The following S100Z variants were observed in gnomAD, a reference collection of about 807,000 sequenced individuals.
The protein encoded by S100Z is S100 calcium binding protein Z.
A neutral mutation model predicts 8.5 loss-of-function variants in S100Z; 11 were observed. The ratio of observed to expected loss-of-function variants is 1.30; its 90% CI spans 0.82 to 2.15. S100Z has a LOEUF of 2.15. Among genes scored for constraint, S100Z ranks in the 30% most tolerant of loss-of-function variants. S100Z has a pLI of 0.00. For missense variants in S100Z, 126 were observed against 117.9 expected (o/e 1.07, Z -0.32); for synonymous variants, 34 against 43.8 (o/e 0.78, Z 0.89).
the S100Z span, among the ~76,000 whole-genome samples, chr5:76,944,995 GCC>G: frequency 7.2e-5 from 11 of 152,148 alleles, no homozygotes; most frequent in Non-Finnish European, 1.3e-4. Context: ...CAGTTATTGT[GCC>G]TATGTAGAAA....
the S100Z span, among the ~76,000 whole-genome samples, chr5:76,935,118 GA>G: frequency 6.6e-6 from 1 of 152,112 alleles, no homozygotes; most frequent in South Asian, 2.1e-4. Context: ...TCTGGCATAA[GA>G]AAAGAAAGAC....
the S100Z span, among the ~76,000 whole-genome samples, chr5:76,950,588 C>G: frequency 2.0e-5 from 3 of 152,148 alleles, no homozygotes; most frequent in Non-Finnish European, 4.4e-5. Flanking sequence ...CCAAAAAACA[C>G]CTATCCGGGA....
At chr5:76,922,778 C>A (rs537784124), downstream of S100Z, among the ~76,000 whole-genome samples, 1 of 152,182 alleles carries the variant, frequency 6.6e-6, no homozygotes, top group Non-Finnish European at 1.5e-5. Flanking sequence ...CCGCCTCGGC[C>A]TCCCAAAGTG....
chr5:76,894,619 G>C (rs1743972537), intron 4 of S100Z, among the ~76,000 whole-genome samples: 1 of 149,160 alleles, frequency 6.7e-6, no homozygotes, highest in Admixed American at 6.6e-5. Context: ...TTTTGAGATG[G>C]AGTTTCACTC....
At chr5:76,927,083 A>C in the S100Z span, among the ~76,000 whole-genome samples, 1 of 152,200 alleles carries the variant, frequency 6.6e-6, no homozygotes, top group Non-Finnish European at 1.5e-5. Flanking sequence ...TTACGCTAAT[A>C]GTAGTAACAT....
At chr5:76,920,041 C>T (rs1744991795) in intron 4 of S100Z, among the ~76,000 whole-genome samples, 1 of 151,956 alleles carries the variant, frequency 6.6e-6, no homozygotes, top group African/African-American at 2.4e-5. Context: ...TCCCAAGTAG[C>T]TGGGATTACA....
At chr5:76,893,315 G>A (rs1164534937) in intron 4 of S100Z, among the ~76,000 whole-genome samples, 1 of 152,084 alleles carries the variant, frequency 6.6e-6, no homozygotes, top group Non-Finnish European at 1.5e-5. Flanking sequence ...TTTTCAAAGG[G>A]AAGGTCTGTG....
chr5:76,919,881 G>C (rs567508838), intron 4 of S100Z, among the ~76,000 whole-genome samples: 1 of 151,462 alleles, frequency 6.6e-6, no homozygotes, highest in East Asian at 1.9e-4. Flanking sequence ...TGGGATTACA[G>C]GTGTGAACCA....
At chr5:76,945,001 G>C in the S100Z span, among the ~76,000 whole-genome samples, 14 of 152,230 alleles carry the variant, frequency 9.2e-5, no homozygotes, top group African/African-American at 2.7e-4. Flanking sequence ...TTGTGCCTAT[G>C]TAGAAAAGGA....
chr5:76,916,586 G>C (rs193218962), intron 4 of S100Z, among the ~76,000 whole-genome samples: 4 of 149,828 alleles, frequency 2.7e-5, no homozygotes, highest in African/African-American at 2.4e-5. Context: ...TCCTAAGAGT[G>C]TGTTTTCTGA....
At chr5:76,943,903 C>T in the S100Z span, among the ~76,000 whole-genome samples, 1 of 147,272 alleles carries the variant, frequency 6.8e-6, no homozygotes, top group African/African-American at 2.5e-5. Flanking sequence ...AAGTCACTGA[C>T]ACAGTGTATT....
the S100Z span, among the ~76,000 whole-genome samples, chr5:76,936,044 T>C: frequency 1.4e-4 from 22 of 152,200 alleles, no homozygotes; most frequent in Non-Finnish European, 3.1e-4. Flanking sequence ...CCCCAAGTAC[T>C]GGGATTACAG....
chr5:76,924,149 A>G (rs902123731), downstream of S100Z, among the ~76,000 whole-genome samples: 1 of 152,192 alleles, frequency 6.6e-6, no homozygotes, highest in African/African-American at 2.4e-5. Flanking sequence ...GTCCTGTTTG[A>G]TTCCCAAAGA....
chr5:76,902,075 GTA>G (rs1212500520), intron 4 of S100Z, among the ~76,000 whole-genome samples: 1 of 152,060 alleles, frequency 6.6e-6, no homozygotes, highest in Non-Finnish European at 1.5e-5. Context: ...GGCTGAGCTG[GTA>G]TTCAAGACTC....
chr5:76,853,565 G>A (rs1750792370), intron 1 of S100Z, among the ~76,000 whole-genome samples: 1 of 151,286 alleles, frequency 6.6e-6, no homozygotes, highest in Non-Finnish European at 1.5e-5. Context: ...GGAGGCTGAG[G>A]CAGGCAGATC....
intron 4 of S100Z, among the ~76,000 whole-genome samples, chr5:76,907,262 C>T (rs1037406904): frequency 6.6e-6 from 1 of 151,890 alleles, no homozygotes; most frequent in African/African-American, 2.4e-5. Context: ...TATGTCTATC[C>T]TTTCCTGATA....
downstream of S100Z, among the ~76,000 whole-genome samples, chr5:76,922,771 C>T (rs187549851): frequency 1.4e-4 from 22 of 152,304 alleles, no homozygotes; most frequent in African/African-American, 4.6e-4. Flanking sequence ...GATCTGCCCG[C>T]CTCGGCCTCC....
At chr5:76,888,949 G>A (rs922500664) in intron 4 of S100Z, among the ~76,000 whole-genome samples, 14 of 152,146 alleles carry the variant, frequency 9.2e-5, no homozygotes, top group African/African-American at 3.1e-4. Flanking sequence ...TGGCTACACG[G>A]CCACCCCCAC....
At chr5:76,928,698 T>C in the S100Z span, among the ~76,000 whole-genome samples, 1 of 152,230 alleles carries the variant, frequency 6.6e-6, no homozygotes, top group African/African-American at 2.4e-5. Context: ...ATTCCCAGTG[T>C]CACTTACTGG....
Sources: allele counts gnomAD v4.1 joint callset (sites outside exome capture counted in the v4.1 genomes callset), GRCh38; gene constraint gnomAD v4.1.1; transcripts MANE v1.5; gene names NCBI Gene and HGNC (gene_info 2026-07-23, HGNC 2026-07-21).